The following SMARCAD1 variants were observed in gnomAD, a reference collection of about 807,000 sequenced individuals.
SMARCAD1 encodes the protein SNF2 related chromatin remodeling ATPase with DExD box 1, also known as SWI/SNF-related matrix-associated actin-dependent regulator of chromatin subfamily A containing DEAD/H box 1.
SMARCAD1 carries 25 observed loss-of-function variants against 127.1 expected under a neutral mutation model. That is an observed-to-expected ratio of 0.20 (90% CI 0.14 to 0.27). The LOEUF is 0.27. Among genes scored for constraint, SMARCAD1 ranks in the 10% least tolerant of loss-of-function variants. The probability of loss-of-function intolerance (pLI) is 1.00; values close to 1 mark genes in which losing one functional copy is unlikely to be tolerated. For synonymous variants in SMARCAD1, 400 were observed against 396.9 expected (o/e 1.01, Z -0.09); for missense variants, 807 against 1,206.0 (o/e 0.67, Z 4.90).
intron 6 of SMARCAD1, among the ~76,000 whole-genome samples, chr4:94,241,397 G>A (rs1394172688): frequency 2.0e-5 from 3 of 152,118 alleles, no homozygotes; most frequent in Non-Finnish European, 4.4e-5. Context: ...AACTGTGTGC[G>A]TGTTCATCTC....
chr4:94,242,656 C>G (rs1341186494), intron 6 of SMARCAD1, among the ~76,000 whole-genome samples: 1 of 150,502 alleles, frequency 6.6e-6, no homozygotes, highest in Non-Finnish European at 1.5e-5. Flanking sequence ...ATAATCCCAG[C>G]ATCTTGGGAG....
chr4:94,278,881 AGTTATCC>A, intron 18 of SMARCAD1, 41 bp from the exon 19 acceptor site: 1 of 1,610,848 alleles, frequency 6.2e-7, no homozygotes, highest in Non-Finnish European at 8.5e-7. Context: ...ATATTTCAAC[AGTTATCC>A]GCTTGGTTTT....
rs1741611560 is a variant in SMARCAD1 at position 94,208,424 on chromosome 4, C to A, written c.30C>A (p.Arg10=). The A allele has an allele frequency of 6.2e-7, 1 of 1,614,112 alleles. No homozygotes were observed. Among genetic ancestry groups the A allele is most frequent in the East Asian group, 2.2e-5 (1 of 44,866 alleles). MNLFNLDRF[R]FEKRNKIEEA... is the part of the protein sequence containing the mutation. ...ATCTTTTCAACCTGGACCGTTTTCG[C>A]TTTGAGAAAAGGAATAAGATTGAGG... The change falls in exon 2 of 24, where the codon CGC becomes CGA. Residue 10 remains arginine, a synonymous_variant. Transcript: ENST00000354268.
intron 3 of SMARCAD1, among the ~76,000 whole-genome samples, chr4:94,226,583 A>C (rs915582525): frequency 2.0e-5 from 3 of 151,308 alleles, no homozygotes; most frequent in Non-Finnish European, 2.9e-5. Flanking sequence ...GAAGTTTAAA[A>C]GAATTGTTTA....
intron 21 of SMARCAD1, among the ~76,000 whole-genome samples, 166 bp downstream of exon 21, chr4:94,281,756 C>CACGCCTGT: frequency 6.6e-6 from 1 of 152,254 alleles, no homozygotes; most frequent in Admixed American, 6.5e-5. Flanking sequence ...CATGGTGGCT[C>CACGCCTGT]ACGCCTGTAA....
chr4:94,233,249 C>G (rs1338180688), intron 3 of SMARCAD1, among the ~76,000 whole-genome samples: 4 of 152,160 alleles, frequency 2.6e-5, no homozygotes. Context: ...TCATTTGTTA[C>G]TGTTCTAGTT....
At chr4:94,230,298 T>C (rs1192356459) in intron 3 of SMARCAD1, among the ~76,000 whole-genome samples, 2 of 152,126 alleles carry the variant, frequency 1.3e-5, no homozygotes, top group African/African-American at 4.8e-5. Context: ...TTTTTTTGTT[T>C]CTTACACAAA....
intron 2 of SMARCAD1, among the ~76,000 whole-genome samples, chr4:94,214,991 A>G (rs1235266692): frequency 6.6e-6 from 1 of 152,170 alleles, no homozygotes; most frequent in African/African-American, 2.4e-5. Flanking sequence ...TAAAAAGTCA[A>G]CTGTTTGGGT....
chr4:94,221,043 T>C (rs1744042044), intron 2 of SMARCAD1, among the ~76,000 whole-genome samples: 1 of 152,188 alleles, frequency 6.6e-6, no homozygotes. Context: ...TGGCAGATGT[T>C]TTCTCAAAAT....
In SMARCAD1 at chr4:94,291,059, A is replaced by G. The variant is rs1333776742; in HGVS notation, c.*1525A>G. On this transcript the variant is annotated 3_prime_UTR_variant, in exon 24 of 24. Transcript: ENST00000354268. The stretch of plus-strand genomic sequence containing the variant: ...ATGTGTTAATACTACCTCCTTGTAC[A>G]TCACTATACCCAAATCAGTTATTCA... The G allele has an allele frequency of 2.3e-6, 1 of 443,166 alleles. No homozygotes were observed. Among genetic ancestry groups the G allele is most frequent in the Admixed American group, 2.5e-5 (1 of 40,696 alleles). 27.5% of individuals were successfully genotyped at this position (443,166 alleles called of 1,614,324 possible).
At chr4:94,226,035 G>C in intron 2 of SMARCAD1, 84 bp from the exon 3 acceptor site, 2 of 1,138,548 alleles carry the variant, frequency 1.8e-6, no homozygotes, top group Non-Finnish European at 2.5e-6. Context: ...AATGAAATTT[G>C]AGATTTTAGC....
At chr4:94,279,951 G>A (rs549804245) in intron 19 of SMARCAD1, among the ~76,000 whole-genome samples, 26 of 151,778 alleles carry the variant, frequency 1.7e-4, no homozygotes, top group South Asian at 1.2e-3. Flanking sequence ...TGCACCCTCC[G>A]CCTCCCAGGT....
intron 23 of SMARCAD1, among the ~76,000 whole-genome samples, chr4:94,285,334 G>C (rs937778616): frequency 6.6e-6 from 1 of 152,170 alleles, no homozygotes; most frequent in African/African-American, 2.4e-5. Context: ...ACGCCTCCTA[G>C]TCGCCCCATC....
In SMARCAD1 at chr4:94,274,870, TTA is replaced by T; in HGVS notation, c.1733-18_1733-17del. On this transcript the variant is annotated intron_variant, in intron 13 of 23. Coordinates refer to ENST00000354268, the MANE Select transcript of SMARCAD1 (RefSeq NM_020159.5). ...TACAGCACAATAAATAGTCATGTGT[TTA>T]TTGTTTTTAAATTCTAGGTTCTCAA... 1 of 1,603,514 alleles carries T rather than the reference TTA, an allele frequency of 6.2e-7. No individual in the cohort carries two copies. The highest frequency in any genetic ancestry group is 8.5e-7 in the Non-Finnish European group (1 of 1,170,528).
chr4:94,281,432 C>T (rs745692165), intron 20 of SMARCAD1, 40 bp from the exon 21 acceptor site: 33 of 1,392,354 alleles, frequency 2.4e-5, no homozygotes, highest in South Asian at 4.6e-5. Context: ...AGTAGTAAAA[C>T]GATTTTTTCT....
At chr4:94,264,635 A>G (rs1266818679) in intron 9 of SMARCAD1, 72 bp from the exon 10 acceptor site, 6 of 1,369,876 alleles carry the variant, frequency 4.4e-6, no homozygotes, top group African/African-American at 1.4e-5. Flanking sequence ...TGTTTTCCTC[A>G]TAAAGAAATC....
intron 9 of SMARCAD1, among the ~76,000 whole-genome samples, chr4:94,262,936 G>GAAA (rs58752878): frequency 6.9e-6 from 1 of 143,974 alleles, no homozygotes; most frequent in Non-Finnish European, 1.5e-5. Flanking sequence ...GTTGGTTACA[G>GAAA]AAAAAAAAAA....
In SMARCAD1 at chr4:94,252,625, A is replaced by G. The variant is rs1234267839; in HGVS notation, c.899A>G (p.Tyr300Cys). 2 of 1,557,688 alleles carry G rather than the reference A, an allele frequency of 1.3e-6. No homozygotes were observed. Among genetic ancestry groups the G allele is most frequent in the Admixed American group, 2.0e-5 (1 of 49,140 alleles). Residue 300 changes from tyrosine to cysteine, a missense_variant, in exon 9 of 24, where the codon TAT (tyrosine) becomes TGT (cysteine). Physicochemically the swap from Tyr to Cys is radical, Grantham distance 194. Coordinates refer to ENST00000354268, the MANE Select transcript of SMARCAD1 (RefSeq NM_020159.5). ...TGTCTTTTATATACAGATATGCAATATGTATCACAAAGTGAGGTTCCAAAT... is the reference window on the plus strand; with the variant it reads ...TGTCTTTTATATACAGATATGCAATGTGTATCACAAAGTGAGGTTCCAAAT... ...KVFAEDQDMQ[Y>C]VSQSEVPNGK...
At chr4:94,271,048 A>G (rs1410501591) in intron 11 of SMARCAD1, among the ~76,000 whole-genome samples, 1 of 152,214 alleles carries the variant, frequency 6.6e-6, no homozygotes, top group Non-Finnish European at 1.5e-5. Context: ...TAGTAAATAC[A>G]TGTTGCAAAC....
Sources: allele counts gnomAD v4.1 joint callset (sites outside exome capture counted in the v4.1 genomes callset), GRCh38; gene constraint gnomAD v4.1.1; transcripts MANE v1.5; gene names NCBI Gene and HGNC (gene_info 2026-07-23, HGNC 2026-07-21).